Variants in EFR3B observed in about 807,000 individuals in gnomAD.
EFR3B encodes the protein protein EFR3 homolog B.
Under a neutral mutation model 104.7 loss-of-function variants are expected in EFR3B, and 64 were observed. That is an observed-to-expected ratio of 0.61 (90% confidence interval 0.50 to 0.75). EFR3B has a LOEUF of 0.75. Among genes scored for constraint, EFR3B ranks in the 30% least tolerant of loss-of-function variants. The pLI, the probability that EFR3B is intolerant of heterozygous loss-of-function variation, is 0.00. For synonymous variants in EFR3B, 385 were observed against 417.9 expected, an observed-to-expected ratio of 0.92 and a Z score of 0.96; for missense variants, 750 against 1,078.5, an observed-to-expected ratio of 0.70 and a Z score of 4.27.
intron 1 of EFR3B, among the ~76,000 whole-genome samples, chr2:25,043,224 C>T (rs1268473437): frequency 6.6e-6 from 1 of 152,134 alleles, no homozygotes. Context: ...CATGAAAACC[C>T]AGGTCTCTGG....
intron 16 of EFR3B, among the ~76,000 whole-genome samples, chr2:25,140,718 C>A (rs1433940872): frequency 6.6e-6 from 1 of 152,148 alleles, no homozygotes; most frequent in Non-Finnish European, 1.5e-5. Flanking sequence ...AAGGTGTGAA[C>A]TACATTCCTT....
chr2:25,082,903 C>T (rs918251109), intron 1 of EFR3B, among the ~76,000 whole-genome samples: 1 of 152,130 alleles, frequency 6.6e-6, no homozygotes, highest in Admixed American at 6.5e-5. Flanking sequence ...AGCTAGGTGA[C>T]ATTTGGGCAG....
intron 4 of EFR3B, among the ~76,000 whole-genome samples, chr2:25,113,290 TGCATTAGAACTC>T (rs1669771922): frequency 6.6e-6 from 1 of 152,220 alleles, no homozygotes; most frequent in African/African-American, 2.4e-5. Flanking sequence ...CATGATCTCA[TGCATTAGAACTC>T]GCATTTTAAT....
chr2:25,146,106 GCTGA>G (rs1670808211), intron 19 of EFR3B: 1 of 126,530 alleles, frequency 7.9e-6, no homozygotes, highest in Non-Finnish European at 1.6e-5. Flanking sequence ...TTTTTTTAAT[GCTGA>G]CTGTTACAGT....
intron 16 of EFR3B, among the ~76,000 whole-genome samples, chr2:25,141,038 C>G (rs1670651430): frequency 9.5e-6 from 1 of 105,388 alleles, no homozygotes; most frequent in South Asian, 3.6e-4. Context: ...GAGACTCCGT[C>G]TCAAAAAAAA....
intron 3 of EFR3B, among the ~76,000 whole-genome samples, chr2:25,096,501 G>T (rs1669279557): frequency 6.6e-6 from 1 of 152,166 alleles, no homozygotes; most frequent in Non-Finnish European, 1.5e-5. Context: ...CAGAACCCAA[G>T]CTGCGCTTTC....
intron 3 of EFR3B, 100 bp from the exon 4 acceptor site, chr2:25,103,537 G>C: frequency 6.9e-7 from 1 of 1,440,368 alleles, no homozygotes; most frequent in Non-Finnish European, 9.3e-7. Flanking sequence ...TTACCCGGAT[G>C]CTGCATTGCC....
At chr2:25,149,223 C>G (rs1342638585) in intron 19 of EFR3B, among the ~76,000 whole-genome samples, 3 of 152,000 alleles carry the variant, frequency 2.0e-5, no homozygotes, top group African/African-American at 7.3e-5. Flanking sequence ...TGGTGCACGC[C>G]TATAATCCCA....
At chr2:25,081,921 CTT>C (rs542594596) in intron 1 of EFR3B, among the ~76,000 whole-genome samples, 163 of 152,256 alleles carry the variant, frequency 1.1e-3, no homozygotes, top group African/African-American at 3.8e-3. Flanking sequence ...GTGTTTGAGA[CTT>C]TGTTTGTTTC....
rs922955391 is a variant in EFR3B, at chr2:25,136,386, G to A, written c.1485-137G>A. ...GAGAACTTGGGAGGAAAAGGTAATC[G>A]GGCTGAGAACCAGGGCCAGGGGAGC... On this transcript the variant is annotated intron_variant, in intron 13 of 22. Coordinates refer to ENST00000403714, the MANE Select transcript of EFR3B (RefSeq NM_014971.2). The surrounding 1 kb of genome is among the most constrained non-coding windows in gnomAD (Gnocchi z 4.0). 12 of 617,792 alleles carry A rather than the reference G, an allele frequency of 1.9e-5. No individual in the cohort carries two copies. Among genetic ancestry groups the A allele is most frequent in the South Asian group, 6.3e-5 (3 of 47,270 alleles). The allele number at this position is 617,792 out of a possible 1,614,324, so 38.3% of individuals were successfully genotyped here.
At chr2:25,103,919 G>T (rs1300229422) in intron 4 of EFR3B, 132 bp downstream of exon 4, 13 of 1,084,512 alleles carry the variant, frequency 1.2e-5, no homozygotes, top group Non-Finnish European at 2.6e-6. Context: ...GTGACACACT[G>T]CTTGTTTTAG....
chr2:25,085,570 T>A (rs1668926748), intron 1 of EFR3B, among the ~76,000 whole-genome samples: 1 of 152,140 alleles, frequency 6.6e-6, no homozygotes, highest in South Asian at 2.1e-4. Flanking sequence ...GCTCAAGTGA[T>A]TCTCCTGCCT....
chr2:25,064,037 T>C (rs1668267188), intron 1 of EFR3B, among the ~76,000 whole-genome samples: 1 of 152,224 alleles, frequency 6.6e-6, no homozygotes, highest in African/African-American at 2.4e-5. Flanking sequence ...GCATTTTTAG[T>C]AGGGCTCAAC....
chr2:25,143,952 A>G, intron 18 of EFR3B, 90 bp downstream of exon 18: 4 of 1,453,690 alleles, frequency 2.8e-6, no homozygotes, highest in Non-Finnish European at 3.7e-6. Context: ...TAGCCCTTTG[A>G]TTGCCTGTGA....
intron 10 of EFR3B, among the ~76,000 whole-genome samples, chr2:25,132,425 A>G (rs1024165818): frequency 1.3e-5 from 2 of 152,162 alleles, no homozygotes; most frequent in African/African-American, 4.8e-5. Context: ...CGGAGATTAG[A>G]TAAAGCCTCT....
chr2:25,098,125 C>T (rs761504738), intron 3 of EFR3B, among the ~76,000 whole-genome samples: 23 of 152,112 alleles, frequency 1.5e-4, no homozygotes, highest in Non-Finnish European at 2.9e-4. Context: ...GGAGGGTCAT[C>T]CCTCCCTTCC....
intron 1 of EFR3B, among the ~76,000 whole-genome samples, chr2:25,059,295 G>T (rs1668113745): frequency 6.6e-6 from 1 of 151,956 alleles, no homozygotes; most frequent in Admixed American, 6.6e-5. Flanking sequence ...TGTTGGTCAG[G>T]CTGGTCTCGA....
intron 2 of EFR3B, among the ~76,000 whole-genome samples, chr2:25,092,258 C>T (rs1033484089): frequency 4.6e-5 from 7 of 150,858 alleles, no homozygotes; most frequent in African/African-American, 1.2e-4. Context: ...TTAGCAGAGA[C>T]GGGATTTCAC....
intron 1 of EFR3B, among the ~76,000 whole-genome samples, chr2:25,076,095 G>A (rs1380642758): frequency 6.6e-6 from 1 of 151,604 alleles, no homozygotes; most frequent in East Asian, 1.9e-4. Context: ...GTCTCACTTT[G>A]TTGCCCTGGC....
Sources: allele counts gnomAD v4.1 joint callset (sites outside exome capture counted in the v4.1 genomes callset), GRCh38; gene constraint gnomAD v4.1.1; non-coding constraint Gnocchi (gnomAD v3.1); transcripts MANE v1.5; gene names NCBI Gene and HGNC (gene_info 2026-07-23, HGNC 2026-07-21).